Variants in GTF2F2 observed in about 807,000 individuals in gnomAD.
The protein encoded by GTF2F2 is general transcription factor IIF subunit 2, also known as ATP-dependent helicase GTF2F2.
A neutral mutation model predicts 42.2 loss-of-function variants in GTF2F2; 23 were observed. The ratio of observed to expected loss-of-function variants is 0.55; its 90% CI spans 0.39 to 0.77. The LOEUF is 0.77. GTF2F2 is among the 30% of genes least tolerant of loss of function. The pLI, the probability that GTF2F2 is intolerant of heterozygous loss-of-function variation, is 0.00. For missense variants in GTF2F2, 261 were observed against 287.2 expected, an observed-to-expected ratio of 0.91 and a Z score of 0.66; for synonymous variants, 105 against 100.8, an observed-to-expected ratio of 1.04 and a Z score of -0.25.
At chr13:45,251,065 C>T (rs1263284331) in intron 5 of GTF2F2, among the ~76,000 whole-genome samples, 2 of 152,048 alleles carry the variant, frequency 1.3e-5, no homozygotes, top group Admixed American at 1.3e-4. Flanking sequence ...TTTACATTTC[C>T]ATACAGAAAT....
chr13:45,268,923 A>G (rs1358913676), intron 7 of GTF2F2, among the ~76,000 whole-genome samples: 2 of 152,170 alleles, frequency 1.3e-5, no homozygotes, highest in Non-Finnish European at 1.5e-5. Flanking sequence ...TATTTTTTAT[A>G]TGGTAGTACT....
chr13:45,171,534 G>A (rs1310211213), intron 4 of GTF2F2, among the ~76,000 whole-genome samples: 2 of 152,118 alleles, frequency 1.3e-5, no homozygotes, highest in African/African-American at 4.8e-5. Context: ...TCTGAAGTTA[G>A]GAAGGAAGTA....
chr13:45,211,318 T>C (rs549950068), intron 5 of GTF2F2, among the ~76,000 whole-genome samples: 1 of 151,552 alleles, frequency 6.6e-6, no homozygotes, highest in Admixed American at 6.6e-5. Flanking sequence ...AGTCATGAAT[T>C]ATTTTATTTA....
intron 2 of GTF2F2, among the ~76,000 whole-genome samples, chr13:45,143,461 A>C (rs1437312560): frequency 6.6e-6 from 1 of 152,192 alleles, no homozygotes; most frequent in African/African-American, 2.4e-5. Context: ...GATGATATTA[A>C]TACCTCATAG....
chr13:45,160,551 A>G (rs1003948606), intron 4 of GTF2F2, among the ~76,000 whole-genome samples: 2 of 152,162 alleles, frequency 1.3e-5, no homozygotes, highest in East Asian at 1.9e-4. Context: ...TCTGGAGACT[A>G]TTGGTTTCCT....
intron 4 of GTF2F2, among the ~76,000 whole-genome samples, chr13:45,174,634 CTTTTTTTTTTT>C (rs397950608): frequency 6.1e-5 from 5 of 81,472 alleles, no homozygotes; most frequent in East Asian, 3.3e-4. Flanking sequence ...TTTCTTTTTT[CTTTTTTTTTTT>C]TTTTTTTTTT....
chr13:45,243,736 C>T (rs1048478784), intron 5 of GTF2F2, among the ~76,000 whole-genome samples: 2 of 152,220 alleles, frequency 1.3e-5, no homozygotes, highest in Admixed American at 1.3e-4. Flanking sequence ...TCTTGGCTCA[C>T]TGCAGCCTCC....
chr13:45,283,744 A>G lies in GTF2F2; in HGVS notation c.*183A>G. On this transcript the variant is annotated 3_prime_UTR_variant, in exon 8 of 8. Transcript: ENST00000340473. Reference sequence around the variant, plus strand: ...TTTCTTAACTGTTTTTTTGAGGAGAAAGAACAGATTTATTTATAGACTTAA... The same window carrying G: ...TTTCTTAACTGTTTTTTTGAGGAGAGAGAACAGATTTATTTATAGACTTAA... 2.8e-6 allele frequency: 1 copy of G among 356,410 alleles called. No individual in the cohort carries two copies. Among genetic ancestry groups the G allele is most frequent in the Non-Finnish European group, 5.1e-6 (1 of 197,924 alleles). 22.1% of individuals were successfully genotyped at this position (356,410 alleles called of 1,614,324 possible).
chr13:45,168,883 C>T (rs1871443414), intron 4 of GTF2F2, among the ~76,000 whole-genome samples: 1 of 238 alleles, frequency 4.2e-3, no homozygotes, highest in African/African-American at 0.02. Context: ...CTCCCTCCTT[C>T]CCTCCCTCCC....
chr13:45,273,517 GTATT>G (rs1192303155), intron 7 of GTF2F2, among the ~76,000 whole-genome samples: 1 of 151,922 alleles, frequency 6.6e-6, no homozygotes, highest in Non-Finnish European at 1.5e-5. Context: ...ACAAAATTTG[GTATT>G]TATTTATATA....
At chr13:45,152,465 T>A (rs1870546551) in intron 4 of GTF2F2, among the ~76,000 whole-genome samples, 1 of 152,260 alleles carries the variant, frequency 6.6e-6, no homozygotes, top group Non-Finnish European at 1.5e-5. Context: ...TTTGCCAAGA[T>A]AAGGTCATCC....
At chr13:45,227,335 T>A (rs1593502697) in intron 5 of GTF2F2, among the ~76,000 whole-genome samples, 1 of 152,244 alleles carries the variant, frequency 6.6e-6, no homozygotes, top group East Asian at 1.9e-4. Context: ...TTCCAGGTTA[T>A]TGATCAGAGA....
chr13:45,263,033 T>A (rs990192009), intron 6 of GTF2F2, among the ~76,000 whole-genome samples: 2 of 152,098 alleles, frequency 1.3e-5, no homozygotes, highest in African/African-American at 4.8e-5. Context: ...GCCATAAATT[T>A]TGTTTTAAAA....
chr13:45,169,237 C>T (rs987584708), intron 4 of GTF2F2, among the ~76,000 whole-genome samples: 2 of 151,990 alleles, frequency 1.3e-5, no homozygotes, highest in African/African-American at 2.4e-5. Context: ...TGTAAAGAGG[C>T]GATGAATTTA....
intron 5 of GTF2F2, among the ~76,000 whole-genome samples, chr13:45,223,129 C>A (rs778077646): frequency 6.6e-6 from 1 of 151,982 alleles, no homozygotes; most frequent in East Asian, 1.9e-4. Flanking sequence ...GTCTCAGCTA[C>A]TCCTGTAGTC....
At position 45,133,492 on chromosome 13, in the gene GTF2F2, A is replaced by G. The variant is rs944875919; in HGVS notation, c.67-3241A>G. ...CACTCCCTCAACATAGGGAGAAGAAAAACAAATTTTCATTTGTTTTATGGT... is the reference window on the plus strand; with the variant it reads ...CACTCCCTCAACATAGGGAGAAGAAGAACAAATTTTCATTTGTTTTATGGT... On this transcript the variant is annotated intron_variant, in intron 1 of 7. Transcript: ENST00000340473. Among the ~76,000 whole-genome samples, 24 of 152,004 alleles carry G rather than the reference A, an allele frequency of 1.6e-4. No individual in the cohort carries two copies. The South Asian group carries it at 2.5e-3, about 16-fold the overall frequency.
chr13:45,175,112 T>C (rs1356123794), intron 4 of GTF2F2, among the ~76,000 whole-genome samples: 7 of 152,232 alleles, frequency 4.6e-5, no homozygotes, highest in African/African-American at 1.7e-4. Context: ...CCTCACACTT[T>C]CCAGCCTCTA....
intron 5 of GTF2F2, among the ~76,000 whole-genome samples, chr13:45,212,447 G>GTTTGTTTCTTTCTTTTCTTTTCTTTC (rs1555269181): frequency 2.2e-5 from 1 of 45,678 alleles, no homozygotes; most frequent in Non-Finnish European, 4.3e-5. Context: ...TTTCTTTCTT[G>GTTTGTTTCTTTCTTTTCTTTTCTTTC]TTTCTTTCTT....
chr13:45,256,460 C>T, intron 6 of GTF2F2, among the ~76,000 whole-genome samples: 1 of 152,012 alleles, frequency 6.6e-6, no homozygotes, highest in East Asian at 1.9e-4. Context: ...CATTTTAGTT[C>T]AAGATATCAA....
Sources: gnomAD v4.1 joint callset for allele counts (sites outside exome capture counted in the v4.1 genomes callset) on GRCh38, gnomAD v4.1.1 for gene constraint, MANE v1.5 for transcripts, NCBI Gene and HGNC (gene_info 2026-07-23, HGNC 2026-07-21) for gene names.